MANEA: variants seen among roughly 807,000 people sequenced by gnomAD.
MANEA encodes glycoprotein endo-alpha-1,2-mannosidase.
A neutral mutation model predicts 36.8 loss-of-function variants in MANEA; 25 were observed. The ratio of observed to expected loss-of-function variants is 0.68; its 90% CI spans 0.50 to 0.95. MANEA has a LOEUF of 0.95. Among genes scored for constraint, MANEA ranks in the 40% least tolerant of loss-of-function variants. The pLI is 0.00. For synonymous variants in MANEA, 198 were observed against 188.5 expected, an observed-to-expected ratio of 1.05 and a Z score of -0.41; for missense variants, 565 against 558.8, an observed-to-expected ratio of 1.01 and a Z score of -0.11.
At chr6:95,605,202 A>C (rs938131003) in intron 4 of MANEA, among the ~76,000 whole-genome samples, 1 of 152,118 alleles carries the variant, frequency 6.6e-6, no homozygotes, top group African/African-American at 2.4e-5. Flanking sequence ...AACCTTCAGA[A>C]TATAGCTTTA....
At chr6:95,602,250 T>G (rs1769607895) in intron 3 of MANEA, among the ~76,000 whole-genome samples, 1 of 152,208 alleles carries the variant, frequency 6.6e-6, no homozygotes, top group Non-Finnish European at 1.5e-5. Flanking sequence ...CTGACAATAT[T>G]AAGAAGAAGG....
rs1197209600 is a variant in MANEA, at chr6:95,604,894, T to A, written c.722T>A (p.Ile241Asn). ...DQNMYKNVKY[I>N]IDKYGNHPAF... ...AACATGTACAAAAATGTCAAGTATATTATAGACAAGTGAGTTTCTTCAATA... is the reference window on the plus strand; with the variant it reads ...AACATGTACAAAAATGTCAAGTATAATATAGACAAGTGAGTTTCTTCAATA... Residue 241 changes from isoleucine (I) to asparagine (N), a missense_variant, in exon 4 of 5, where the codon ATT becomes AAT. Transcript: ENST00000358812. 7.3e-7 allele frequency: 1 copy of A among 1,368,790 alleles called. No individual in the cohort carries two copies. The highest frequency in any genetic ancestry group is 1.0e-6 in the Non-Finnish European group (1 of 1,001,776). 84.8% of individuals were successfully genotyped at this position (1,368,790 alleles called of 1,614,324 possible).
intron 1 of MANEA, among the ~76,000 whole-genome samples, chr6:95,582,770 T>C (rs1769206558): frequency 6.6e-6 from 1 of 152,228 alleles, no homozygotes; most frequent in African/African-American, 2.4e-5. Flanking sequence ...TTGCATTGTA[T>C]GTAAGCCATA....
Position 95,606,539 on chromosome 6 carries a change from T to C in MANEA, c.*134T>C. 1 of 449,804 alleles carries C rather than the reference T, an allele frequency of 2.2e-6. No homozygotes were observed. The highest frequency in any genetic ancestry group is 7.8e-5 in the South Asian group (1 of 12,866). The allele number at this position is 449,804 out of a possible 1,614,324, so 27.9% of individuals were successfully genotyped here. On this transcript the variant is annotated 3_prime_UTR_variant, in exon 5 of 5. Transcript: ENST00000358812. ...TATTTAAAAATATTTTTTTAAATTCTTTACAGATAATATTATACTTGTTAC... is the reference window on the plus strand; with the variant it reads ...TATTTAAAAATATTTTTTTAAATTCCTTACAGATAATATTATACTTGTTAC...
At chr6:95,592,115 C>G (rs1004603450) in intron 2 of MANEA, among the ~76,000 whole-genome samples, 1 of 152,152 alleles carries the variant, frequency 6.6e-6, no homozygotes, top group Non-Finnish European at 1.5e-5. Flanking sequence ...TTTCCCCAGT[C>G]TTTTTTCTCA....
At chr6:95,593,696 G>A (rs1188661083) in intron 2 of MANEA, among the ~76,000 whole-genome samples, 1 of 152,132 alleles carries the variant, frequency 6.6e-6, no homozygotes, top group Non-Finnish European at 1.5e-5. Flanking sequence ...GGACTAGAAT[G>A]TAATCAAGCT....
At chr6:95,588,953 GT>G (rs1357054679) in intron 2 of MANEA, among the ~76,000 whole-genome samples, 1 of 151,658 alleles carries the variant, frequency 6.6e-6, no homozygotes, top group Admixed American at 6.6e-5. Context: ...TAATATTTTA[GT>G]ATTGTATCAT....
intron 2 of MANEA, among the ~76,000 whole-genome samples, chr6:95,593,210 G>A (rs9488970): frequency 0.18 from 26,752 of 152,146 alleles, 2,473 homozygotes; most frequent in African/African-American, 0.2. Context: ...TCAGAAGTAC[G>A]ACAATCACTG....
At chr6:95,601,772 C>T (rs1277408907) in intron 3 of MANEA, among the ~76,000 whole-genome samples, 1 of 111,928 alleles carries the variant, frequency 8.9e-6, no homozygotes, top group East Asian at 2.9e-4. Context: ...AAAGAACCAA[C>T]TCAGCCCTGG....
At chr6:95,597,716 C>T (rs1769506382) in intron 3 of MANEA, among the ~76,000 whole-genome samples, 1 of 151,792 alleles carries the variant, frequency 6.6e-6, no homozygotes, top group Non-Finnish European at 1.5e-5. Context: ...ATAAATAGCA[C>T]TGAGATTATT....
rs1330749361 is a variant in MANEA at position 95,606,620 on chromosome 6, C to T, written c.*215C>T. On this transcript the variant is annotated 3_prime_UTR_variant, in exon 5 of 5. Transcript: ENST00000358812. ...AGACAAAATGTATACAAATATATTC[C>T]TTATGGCATAATTTATTGCATTTCT... 7.4e-6 allele frequency: 2 copies of T among 269,786 alleles called. No homozygotes were observed. Among genetic ancestry groups the T allele is most frequent in the Non-Finnish European group, 1.4e-5 (2 of 147,164 alleles). 16.7% of individuals were successfully genotyped at this position (269,786 alleles called of 1,614,324 possible).
intron 2 of MANEA, among the ~76,000 whole-genome samples, chr6:95,591,080 T>A (rs111439495): frequency 0.011 from 1,733 of 152,272 alleles, 40 homozygotes; most frequent in African/African-American, 0.04. Flanking sequence ...GGCCGATGGG[T>A]CATAGTTTGC....
In MANEA at chr6:95,605,760, TC is replaced by T; in HGVS notation, c.746del (p.Pro249ArgfsTer34). ...KYIIDKYGNHPAFYRYKTKTG... is the reference protein window; with the variant it reads ...KYIIDKYGNHXAFYRYKTKTG... ...GCTTATTTTCTAGATATGGAAATCATCCGGCCTTTTACAGGTACAAGACGAA... is the reference window on the plus strand; with the variant it reads ...GCTTATTTTCTAGATATGGAAATCATCGGCCTTTTACAGGTACAAGACGAA... On this transcript the variant is annotated frameshift_variant, in exon 5 of 5. Coordinates refer to ENST00000358812, the MANE Select transcript of MANEA (RefSeq NM_024641.4). LOFTEE classifies it high-confidence loss of function. 6.2e-7 allele frequency: 1 copy of T among 1,607,002 alleles called. No individual in the cohort carries two copies. Among genetic ancestry groups the T allele is most frequent in the African/African-American group, 1.3e-5 (1 of 74,814 alleles).
At chr6:95,580,787 T>G (rs1348889116) in intron 1 of MANEA, among the ~76,000 whole-genome samples, 2 of 150,470 alleles carry the variant, frequency 1.3e-5, no homozygotes, top group African/African-American at 4.9e-5. Context: ...ATAAAATATA[T>G]GAGGAATAAG....
rs1386553104 is a variant in MANEA, at chr6:95,609,320, A to G, written c.*2915A>G. ...GTTTCTTTTAAGGACTAATATTGTC[A>G]AAAACTGCTGTTATTAACTTCACTT... On this transcript the variant is annotated 3_prime_UTR_variant, in exon 5 of 5. Coordinates refer to ENST00000358812, the MANE Select transcript of MANEA (RefSeq NM_024641.4). 6.6e-6 allele frequency: 1 copy of G among 151,776 alleles called. No homozygotes were observed. The allele number at this position is 151,776 out of a possible 1,614,324, so 9.4% of individuals were successfully genotyped here.
At chr6:95,580,743 GAA>G (rs1455321200) in intron 1 of MANEA, among the ~76,000 whole-genome samples, 2 of 140,840 alleles carry the variant, frequency 1.4e-5, no homozygotes, top group Non-Finnish European at 3.1e-5. Flanking sequence ...AAAAAAAAAA[GAA>G]ATGACAATTT....
At chr6:95,585,545 A>G (rs371876745) in intron 1 of MANEA, among the ~76,000 whole-genome samples, 75 of 152,146 alleles carry the variant, frequency 4.9e-4, no homozygotes, top group East Asian at 1.4e-3. Flanking sequence ...AAACTGCTGA[A>G]CTCAAGTGAT....
intron 2 of MANEA, among the ~76,000 whole-genome samples, chr6:95,587,740 CTTAAAG>C (rs1459320475): frequency 1.1e-4 from 17 of 151,990 alleles, no homozygotes; most frequent in Admixed American, 8.5e-4. Context: ...TTTTCTGTTT[CTTAAAG>C]TTATTCTGTC....
rs1769286967 is a variant in MANEA at position 95,586,612 on chromosome 6, A to T, written c.173A>T (p.Asn58Ile). ...CAACGAACTATTCATTTGGGGAAAA[A>T]TTTTGATTTCCAAAAGAGTGACAGA... ...LHQRTIHLGK[N>I]FDFQKSDRIN... Residue 58 changes from asparagine to isoleucine, a missense_variant, in exon 2 of 5, where the codon AAT (asparagine) becomes ATT (isoleucine). Transcript: ENST00000358812. The T allele has an allele frequency of 6.2e-7, 1 of 1,613,960 alleles. No individual in the cohort carries two copies. Among genetic ancestry groups the T allele is most frequent in the African/African-American group, 1.3e-5 (1 of 75,006 alleles).
Sources: allele counts gnomAD v4.1 joint callset (sites outside exome capture counted in the v4.1 genomes callset), GRCh38; gene constraint gnomAD v4.1.1; transcripts MANE v1.5; gene names NCBI Gene and HGNC (gene_info 2026-07-23, HGNC 2026-07-21).